The following ARHGEF7 variants were observed in gnomAD, a reference collection of about 807,000 sequenced individuals.
The protein encoded by ARHGEF7 is Rho guanine nucleotide exchange factor 7.
ARHGEF7 carries 33 observed loss-of-function variants against 109.8 expected under a neutral mutation model. The observed-to-expected ratio is 0.30, with a 90% CI of 0.23 to 0.40. The LOEUF is 0.40. ARHGEF7 is among the 10% of genes least tolerant of loss of function. ARHGEF7 has a pLI of 1.00. For missense variants in ARHGEF7, 938 were observed against 1,098.5 expected (o/e 0.85, Z 2.07); for synonymous variants, 458 against 424.6 (o/e 1.08, Z -0.97).
At chr13:111,278,690 A>G (rs1395666448) in intron 13 of ARHGEF7, among the ~76,000 whole-genome samples, 2 of 152,170 alleles carry the variant, frequency 1.3e-5, no homozygotes, top group Non-Finnish European at 2.9e-5. Flanking sequence ...GTTTCCCCCA[A>G]ACTAGCAGCT....
At chr13:111,262,553 C>T (rs1036811968) in intron 8 of ARHGEF7, among the ~76,000 whole-genome samples, 2 of 152,226 alleles carry the variant, frequency 1.3e-5, no homozygotes, top group Non-Finnish European at 2.9e-5. Flanking sequence ...GTTCCCCCAG[C>T]ACATTGCTCT....
chr13:111,117,110 A>C (rs899082220), intron 1 of ARHGEF7, among the ~76,000 whole-genome samples: 5 of 152,208 alleles, frequency 3.3e-5, no homozygotes, highest in Admixed American at 6.5e-5. Context: ...AATGCATGCA[A>C]AGTTCACCAA....
At chr13:111,252,201 G>C (rs887305326) in intron 8 of ARHGEF7, among the ~76,000 whole-genome samples, 8 of 152,210 alleles carry the variant, frequency 5.3e-5, no homozygotes, top group African/African-American at 7.2e-5. Flanking sequence ...AGGACAGAGT[G>C]AAAAACCACC....
At chr13:111,189,638 G>A (rs918059663) in intron 2 of ARHGEF7, among the ~76,000 whole-genome samples, 1 of 152,198 alleles carries the variant, frequency 6.6e-6, no homozygotes, top group Non-Finnish European at 1.5e-5. Context: ...CAAGTGGGTT[G>A]CCGCTGCTGG....
intron 2 of ARHGEF7, among the ~76,000 whole-genome samples, chr13:111,181,772 T>A (rs1191963667): frequency 6.6e-6 from 1 of 152,062 alleles, no homozygotes; most frequent in Admixed American, 6.5e-5. Flanking sequence ...GCAGCTGTCA[T>A]GGGGTTGGGA....
chr13:111,230,749 CA>C (rs1438166577), intron 5 of ARHGEF7, among the ~76,000 whole-genome samples: 1 of 152,244 alleles, frequency 6.6e-6, no homozygotes, highest in Non-Finnish European at 1.5e-5. Flanking sequence ...AAACGAACCA[CA>C]GGGTGTTCTG....
chr13:111,239,150 T>G lies in ARHGEF7; in HGVS notation c.760-4722T>G, dbSNP rs893467483. Among the ~76,000 whole-genome samples, 8 of 152,106 alleles carry G rather than the reference T, an allele frequency of 5.3e-5. No homozygotes were observed. Among genetic ancestry groups the G allele is most frequent in the African/African-American group, 1.2e-4 (5 of 41,428 alleles). On this transcript the variant is annotated intron_variant, in intron 6 of 21. Transcript: ENST00000646102. This position sits in a 1 kb window ranked among gnomAD's most constrained non-coding sequence, Gnocchi z 4.3. The stretch of plus-strand genomic sequence containing the variant: ...GCTCCCCCACACCCCCGTGCCATGA[T>G]TCAGTTACCTCCACCCTGTCCCGCC...
rs1566870719 is a variant in ARHGEF7 at position 111,221,331 on chromosome 13, C to CTATATATATCTATATATATATCTA, written c.670+3470_670+3471insATCTATATATATATCTATATATAT. On this transcript the variant is annotated intron_variant, in intron 5 of 21. Coordinates refer to ENST00000646102, the MANE Select transcript of ARHGEF7 (RefSeq NM_001354046.2). ...TATATCTATATATAGATATATATGT[C>CTATATATATCTATATATATATCTA]TATATATATCTATATATATGTCTAT... 2.5e-3 allele frequency among the ~76,000 whole-genome samples: 18 copies of CTATATATATCTATATATATATCTA among 7,310 alleles called. 5 individuals are homozygous for CTATATATATCTATATATATATCTA. Among genetic ancestry groups the CTATATATATCTATATATATATCTA allele is most frequent in the Non-Finnish European group, 3.6e-3 (14 of 3,922 alleles). The allele number at this position is 7,310 out of a possible 152,430, so 4.8% of individuals were successfully genotyped here.
chr13:111,120,496 T>C (rs1188587456), intron 1 of ARHGEF7, among the ~76,000 whole-genome samples: 1 of 150,102 alleles, frequency 6.7e-6, no homozygotes, highest in Non-Finnish European at 1.5e-5. Flanking sequence ...GACACATGCG[T>C]GTACATAGAC....
chr13:111,195,601 G>A (rs756657403), intron 2 of ARHGEF7, among the ~76,000 whole-genome samples: 2 of 152,184 alleles, frequency 1.3e-5, no homozygotes, highest in East Asian at 1.9e-4. Context: ...AAGAGCTGGC[G>A]CTTGCTCTGG....
At chr13:111,295,953 G>A (rs941152545) in intron 19 of ARHGEF7, among the ~76,000 whole-genome samples, 14 of 152,174 alleles carry the variant, frequency 9.2e-5, no homozygotes, top group African/African-American at 3.4e-4. Flanking sequence ...CTGTTTTTAG[G>A]CTTTTGGTAC....
chr13:111,161,821 A>G (rs1167754227), intron 2 of ARHGEF7, among the ~76,000 whole-genome samples: 1 of 152,178 alleles, frequency 6.6e-6, no homozygotes, highest in African/African-American at 2.4e-5. Flanking sequence ...AATGTTTTAT[A>G]ACATGCTTTA....
intron 1 of ARHGEF7, among the ~76,000 whole-genome samples, chr13:111,153,298 C>T (rs1391355587): frequency 6.6e-6 from 1 of 152,210 alleles, no homozygotes; most frequent in Admixed American, 6.5e-5. Context: ...AGGCCGAGGA[C>T]CTGGCGCCAA....
At chr13:111,268,722 CAG>C (rs1040563965) in intron 9 of ARHGEF7, among the ~76,000 whole-genome samples, 3 of 152,224 alleles carry the variant, frequency 2.0e-5, no homozygotes, top group Non-Finnish European at 4.4e-5. Context: ...CTCTGGGTTT[CAG>C]CTTCCTTTCC....
intron 2 of ARHGEF7, among the ~76,000 whole-genome samples, chr13:111,177,129 C>T (rs1398553996): frequency 6.6e-6 from 1 of 152,216 alleles, no homozygotes; most frequent in East Asian, 1.9e-4. Context: ...ACCGAATTAA[C>T]TCATTTAAAC....
chr13:111,174,225 A>C (rs1055956498), intron 2 of ARHGEF7, among the ~76,000 whole-genome samples: 16 of 152,236 alleles, frequency 1.1e-4, no homozygotes, highest in Non-Finnish European at 2.1e-4. Flanking sequence ...GAGGATAATT[A>C]AAATTGGTTA....
intron 1 of ARHGEF7, chr13:111,116,593 T>C (rs980110975): frequency 6.0e-5 from 9 of 150,918 alleles, no homozygotes; most frequent in Admixed American, 3.3e-4. Flanking sequence ...GGCCAATATA[T>C]AGCGTTAAGA....
At chr13:111,191,435 C>A (rs879090638) in intron 2 of ARHGEF7, among the ~76,000 whole-genome samples, 1 of 152,164 alleles carries the variant, frequency 6.6e-6, no homozygotes, top group Non-Finnish European at 1.5e-5. Flanking sequence ...TTGGATTGCA[C>A]GTCCTGTTAG....
At chr13:111,250,869 T>TA (rs2089657613) in intron 8 of ARHGEF7, among the ~76,000 whole-genome samples, 3 of 152,108 alleles carry the variant, frequency 2.0e-5, no homozygotes, top group Admixed American at 6.6e-5. Context: ...AGATGTAGGG[T>TA]AAGGGATGGG....
Sources: allele counts gnomAD v4.1 joint callset (sites outside exome capture counted in the v4.1 genomes callset), GRCh38; gene constraint gnomAD v4.1.1; non-coding constraint Gnocchi (gnomAD v3.1); transcripts MANE v1.5; gene names NCBI Gene and HGNC (gene_info 2026-07-23, HGNC 2026-07-21).